Variants in TSC2 observed in about 807,000 individuals in gnomAD.
TSC2 encodes the protein TSC complex subunit 2, also known as tuberin.
Under a neutral mutation model 202.2 loss-of-function variants are expected in TSC2, and 29 were observed. The ratio of observed to expected loss-of-function variants is 0.14; its 90% CI spans 0.11 to 0.20. The LOEUF (loss-of-function observed/expected upper bound fraction) is 0.20. TSC2 is among the 10% of genes least tolerant of loss of function. TSC2 has a pLI of 1.00. For synonymous variants in TSC2, 1,349 were observed against 1,044.0 expected, an observed-to-expected ratio of 1.29 and a Z score of -5.63; for missense variants, 2,429 against 2,420.0, an observed-to-expected ratio of 1.00 and a Z score of -0.08.
intron 12 of TSC2, 72 bp downstream of exon 12, chr16:2,062,080 A>T: frequency 6.2e-7 from 1 of 1,600,576 alleles, no homozygotes; most frequent in East Asian, 2.2e-5. Flanking sequence ...GGTGAAGTGC[A>T]GCTTTCTGAG....
rs752614339 is a variant in TSC2, at chr16:2,058,743, T to C, written c.849-4T>C. Reference sequence around the variant, plus strand: ...CATTCCGTCTCTCTGGGGAACACTTTTAGAGCCTACATGGAGGACGCGCCC... The same window carrying C: ...CATTCCGTCTCTCTGGGGAACACTTCTAGAGCCTACATGGAGGACGCGCCC... On this transcript the variant is annotated splice_region_variant and splice_polypyrimidine_tract_variant and intron_variant, in intron 9 of 41. Coordinates refer to ENST00000219476, the MANE Select transcript of TSC2 (RefSeq NM_000548.5). 12 of 1,577,648 alleles carry C rather than the reference T, an allele frequency of 7.6e-6. No homozygotes were observed. In the Admixed American group the frequency reaches 9.2e-5, roughly 12 times the overall value.
intron 16 of TSC2, among the ~76,000 whole-genome samples, chr16:2,068,351 C>T (rs2087695871): frequency 6.6e-6 from 1 of 152,200 alleles, no homozygotes; most frequent in South Asian, 2.1e-4. Context: ...GTTTTCATTT[C>T]TTTTGTTATA....
At chr16:2,083,898 A>G in intron 33 of TSC2, 82 bp downstream of exon 33, 3 of 1,522,946 alleles carry the variant, frequency 2.0e-6, no homozygotes, top group Non-Finnish European at 2.6e-6. Context: ...GTGTGCCTGC[A>G]CCCTGGGAAC....
intron 11 of TSC2, chr16:2,061,403 A>G: frequency 6.4e-6 from 2 of 313,026 alleles, no homozygotes; most frequent in South Asian, 2.9e-5. Flanking sequence ...GCTGGGCCAG[A>G]GCATTGCCCC....
Position 2,060,809 on chromosome 16 carries a change from T to G in TSC2, c.1115T>G (p.Leu372Arg). 3 of 1,613,394 alleles carry G rather than the reference T, an allele frequency of 1.9e-6. No homozygotes were observed. The highest frequency in any genetic ancestry group is 2.5e-6 in the Non-Finnish European group (3 of 1,179,930). The change falls in exon 11 of 42, where the codon CTC (leucine) becomes CGC (arginine). Residue 372 changes from leucine to arginine, a missense_variant. By Grantham distance (102) the Leu-to-Arg change is moderately radical. Coordinates refer to ENST00000219476, the MANE Select transcript of TSC2 (RefSeq NM_000548.5). ...ATCATCGAACGGCTCCTTCAGCAGCTCCAGGTGGGGTGGGGGCAGGAGCTC... is the reference window on the plus strand; with the variant it reads ...ATCATCGAACGGCTCCTTCAGCAGCGCCAGGTGGGGTGGGGGCAGGAGCTC... ...LNIIERLLQQ[L>R]QTLDSPELRT...
At chr16:2,057,779 C>T (rs950457093) in intron 9 of TSC2, among the ~76,000 whole-genome samples, 1 of 150,986 alleles carries the variant, frequency 6.6e-6, no homozygotes, top group African/African-American at 2.4e-5. Context: ...TGCCTCAGCC[C>T]TGCATCTCTC....
Position 2,075,934 on chromosome 16 carries a change from C to G in TSC2, c.2639+42C>G, listed in dbSNP as rs201973730. ...GGCCCTGTGCCTCCCAGCCGTGGCC[C>G]CCGCTAGGCCTTGCGGCAGAAAGCC... On this transcript the variant is annotated intron_variant, in intron 23 of 41. Coordinates refer to ENST00000219476, the MANE Select transcript of TSC2 (RefSeq NM_000548.5). 4.3e-6 allele frequency: 7 copies of G among 1,612,428 alleles called. No individual in the cohort carries two copies. The African/African-American group carries it at 8.0e-5, about 18-fold the overall frequency.
At chr16:2,048,536 G>T (rs2084654264) in intron 1 of TSC2, 51 bp from the exon 2 acceptor site, 3 of 1,609,874 alleles carry the variant, frequency 1.9e-6, no homozygotes, top group Non-Finnish European at 1.7e-6. Context: ...CAGTGGGGAA[G>T]GTGGGCAGAG....
Position 2,086,835 on chromosome 16 carries a change from T to C in TSC2, c.4953T>C (p.Asn1651=), listed in dbSNP as rs2151588360. The part of the protein sequence containing the change: ...LGNDFVSIVY[N]DSGEDFKLGT... ...ACGACTTTGTGTCCATTGTCTACAA[T>C]GACTCCGGTGAGGACTTCAAGCTTG... The change falls in exon 38 of 42, where the codon AAT becomes AAC. Residue 1651 remains asparagine (N), a synonymous_variant. Coordinates refer to ENST00000219476, the MANE Select transcript of TSC2 (RefSeq NM_000548.5). 2 of 1,605,584 alleles carry C rather than the reference T, an allele frequency of 1.2e-6. No homozygotes were observed. Among genetic ancestry groups the C allele is most frequent in the Non-Finnish European group, 1.7e-6 (2 of 1,176,912 alleles).
chr16:2,076,595 G>T lies in TSC2; in HGVS notation c.2837+10G>T, dbSNP rs1232454175. 1 of 1,612,880 alleles carries T rather than the reference G, an allele frequency of 6.2e-7. No homozygotes were observed. ...ACGAGAGACCCAAGAGGTACGGCCT[G>T]CGGGGGTGTGCCTGGAGTCGGTGTG... On this transcript the variant is annotated intron_variant, in intron 25 of 41. Transcript: ENST00000219476.
At position 2,089,189 on chromosome 16, in the gene TSC2, GT is replaced by G. The variant is rs2091320501; in HGVS notation, c.*581del. On this transcript the variant is annotated 3_prime_UTR_variant, in exon 42 of 42. Transcript: ENST00000219476. ...ACCACACCTACCAAGCGCAGCAGGT[GT>G]TGGGGGAGGCCAGCTCTGGGCGCAG... The G allele has an allele frequency of 5.7e-6, 1 of 174,824 alleles. No homozygotes were observed. The highest frequency in any genetic ancestry group is 1.2e-5 in the Non-Finnish European group (1 of 81,492). 10.8% of individuals were successfully genotyped at this position (174,824 alleles called of 1,614,324 possible).
In TSC2 at chr16:2,088,450, G is replaced by A. The variant is rs761162904; in HGVS notation, c.5264G>A (p.Cys1755Tyr). 2 of 1,612,674 alleles carry A rather than the reference G, an allele frequency of 1.2e-6. No homozygotes were observed. Among genetic ancestry groups the A allele is most frequent in the African/African-American group, 1.3e-5 (1 of 74,920 alleles). ...RHIKRLRQRI[C>Y]EEAAYSNPSL... Reference sequence around the variant, plus strand: ...CCAAGCCGCCTCTGCCTTCAGATCTGCGAGGAAGCCGCCTACTCCAACCCC... The same window carrying A: ...CCAAGCCGCCTCTGCCTTCAGATCTACGAGGAAGCCGCCTACTCCAACCCC... Residue 1755 changes from cysteine to tyrosine, a missense_variant, in exon 42 of 42, where the codon TGC becomes TAC. By Grantham distance (194) the Cys-to-Tyr change is radical (BLOSUM62 -2). Coordinates refer to ENST00000219476, the MANE Select transcript of TSC2 (RefSeq NM_000548.5).
intron 3 of TSC2, among the ~76,000 whole-genome samples, chr16:2,050,769 A>G (rs988450135): frequency 6.6e-6 from 1 of 151,486 alleles, no homozygotes; most frequent in Non-Finnish European, 1.5e-5. Flanking sequence ...TTGTATTTTT[A>G]GTAGAGACGG....
intron 10 of TSC2, 104 bp from the exon 11 acceptor site, chr16:2,060,566 T>C (rs1011184346): frequency 1.3e-6 from 2 of 1,590,668 alleles, no homozygotes; most frequent in East Asian, 2.2e-5. Context: ...TGGTGGGCAC[T>C]GCGCGCTCAG....
chr16:2,081,478 G>C, intron 30 of TSC2, 117 bp from the exon 31 acceptor site: 1 of 1,305,486 alleles, frequency 7.7e-7, no homozygotes, highest in Non-Finnish European at 1.1e-6. Flanking sequence ...TGGTCCTGAG[G>C]ATTGTGGGAG....
At chr16:2,075,657 G>A (rs1225685164) in intron 22 of TSC2, 142 bp from the exon 23 acceptor site, 1 of 823,904 alleles carries the variant, frequency 1.2e-6, no homozygotes, top group African/African-American at 1.7e-5. Context: ...TGAGGCCAGG[G>A]TCGGGAAAGC....
At chr16:2,077,467 C>G in intron 25 of TSC2, 131 bp from the exon 26 acceptor site, 1 of 1,393,702 alleles carries the variant, frequency 7.2e-7, no homozygotes, top group Non-Finnish European at 9.9e-7. Context: ...TTTTGCTCAT[C>G]TCACCCGCGG....
intron 20 of TSC2, 44 bp from the exon 21 acceptor site, chr16:2,072,805 C>T (rs754761436): frequency 9.9e-6 from 16 of 1,612,786 alleles, no homozygotes; most frequent in East Asian, 2.2e-5. Flanking sequence ...TACCCCGTGA[C>T]CTGGCCGCTG....
intron 35 of TSC2, 73 bp from the exon 36 acceptor site, chr16:2,085,157 C>T (rs932991038): frequency 1.9e-5 from 30 of 1,606,318 alleles, no homozygotes; most frequent in South Asian, 9.9e-5. Context: ...GGCAGCCTGC[C>T]GTGACCGGCC....
Sources: gnomAD v4.1 joint callset for allele counts (sites outside exome capture counted in the v4.1 genomes callset) on GRCh38, gnomAD v4.1.1 for gene constraint, MANE v1.5 for transcripts, NCBI Gene and HGNC (gene_info 2026-07-23, HGNC 2026-07-21) for gene names.